Variants in HSD17B12 observed in about 807,000 individuals in gnomAD.
HSD17B12 encodes very-long-chain 3-oxoacyl-CoA reductase.
A neutral mutation model predicts 39.3 loss-of-function variants in HSD17B12; 32 were observed. The observed-to-expected ratio is 0.81, with a 90% CI of 0.61 to 1.09. HSD17B12 has a LOEUF of 1.09. Among genes scored for constraint, HSD17B12 ranks in the 50% least tolerant of loss-of-function variants. The probability of loss-of-function intolerance (pLI) is 0.00; values close to 1 mark genes in which losing one functional copy is unlikely to be tolerated. For synonymous variants in HSD17B12, 150 were observed against 146.7 expected (o/e 1.02, Z -0.16); for missense variants, 342 against 382.9 (o/e 0.89, Z 0.89).
chr11:43,680,375 G>T (rs1298308515), upstream of HSD17B12, among the ~76,000 whole-genome samples: 1 of 152,098 alleles, frequency 6.6e-6, no homozygotes, highest in Non-Finnish European at 1.5e-5. Flanking sequence ...CCCTGCCTAC[G>T]CCCACTTCTT....
At chr11:43,839,914 A>T in intron 8 of HSD17B12, 85 bp from the exon 9 acceptor site, 1 of 1,021,380 alleles carries the variant, frequency 9.8e-7, no homozygotes, top group Non-Finnish European at 1.5e-6. Flanking sequence ...TTAAATGATT[A>T]GTTTATTATT....
At chr11:43,615,887 A>G in the HSD17B12 span, among the ~76,000 whole-genome samples, 170 of 152,350 alleles carry the variant, frequency 1.1e-3, no homozygotes, top group Non-Finnish European at 2.0e-3. Context: ...GAAGTTACAT[A>G]TATTTTATAG....
the HSD17B12 span, among the ~76,000 whole-genome samples, chr11:43,630,313 T>C: frequency 6.6e-6 from 1 of 152,168 alleles, no homozygotes; most frequent in Admixed American, 6.6e-5. Context: ...GACTAGATGA[T>C]CTCTAAGTCT....
chr11:43,651,094 G>C, the HSD17B12 span, among the ~76,000 whole-genome samples: 32 of 152,140 alleles, frequency 2.1e-4, no homozygotes, highest in African/African-American at 7.7e-4. Flanking sequence ...TGTTTGAGAA[G>C]TACAGTGTTC....
At chr11:43,829,178 G>T (rs1049830669) in intron 6 of HSD17B12, among the ~76,000 whole-genome samples, 2 of 152,198 alleles carry the variant, frequency 1.3e-5, no homozygotes, top group Non-Finnish European at 2.9e-5. Context: ...ATTAACTTTT[G>T]CAGGGGAGAA....
intron 6 of HSD17B12, 106 bp downstream of exon 6, chr11:43,816,497 A>G (rs1179650655): frequency 1.1e-6 from 1 of 930,158 alleles, no homozygotes; most frequent in East Asian, 3.3e-5. Context: ...TTAGATGCAG[A>G]TACATGTATT....
rs576245970 is a variant in HSD17B12 at position 43,766,551 on chromosome 11, C to A, written c.283+12430C>A. ...AAGTCCCTCTCCCCTCCTTTGTTAA[C>A]CATCATAGATTTCCTGGTAAATATT... On this transcript the variant is annotated intron_variant, in intron 3 of 10. Transcript: ENST00000278353. Among the ~76,000 whole-genome samples, 3 of 152,318 alleles carry A rather than the reference C, an allele frequency of 2.0e-5. No homozygotes were observed. The South Asian group carries it at 6.2e-4, about 32-fold the overall frequency.
the HSD17B12 span, among the ~76,000 whole-genome samples, chr11:43,581,048 G>A: frequency 2.0e-5 from 3 of 152,136 alleles, no homozygotes; most frequent in South Asian, 2.1e-4. The surrounding 1 kb of genome is among the most constrained non-coding windows in gnomAD (Gnocchi z 4.9). Context: ...TGCAGCCGGG[G>A]CTGGCGGAAC....
At chr11:43,656,888 A>T in the HSD17B12 span, among the ~76,000 whole-genome samples, 1 of 152,132 alleles carries the variant, frequency 6.6e-6, no homozygotes, top group African/African-American at 2.4e-5. Flanking sequence ...TTGATTTGGG[A>T]TGGAGAGTTC....
the HSD17B12 span, among the ~76,000 whole-genome samples, chr11:43,666,244 C>G: frequency 2.6e-4 from 40 of 152,292 alleles, no homozygotes; most frequent in African/African-American, 9.4e-4. Flanking sequence ...TACTCTATCA[C>G]CCAGGCTGGA....
chr11:43,653,557 C>A, the HSD17B12 span, among the ~76,000 whole-genome samples: 1 of 152,070 alleles, frequency 6.6e-6, no homozygotes, highest in African/African-American at 2.4e-5. Flanking sequence ...CCCCCTCCCC[C>A]ACCTCACAAC....
At chr11:43,807,513 T>C (rs1241854509) in intron 4 of HSD17B12, among the ~76,000 whole-genome samples, 1 of 152,194 alleles carries the variant, frequency 6.6e-6, no homozygotes, top group Non-Finnish European at 1.5e-5. Flanking sequence ...CAGACCCAGA[T>C]CATGAAAGTC....
chr11:43,672,329 G>A, the HSD17B12 span, among the ~76,000 whole-genome samples: 3 of 152,200 alleles, frequency 2.0e-5, no homozygotes, highest in African/African-American at 4.8e-5. Context: ...GATTACAGGC[G>A]TGAGCCACCG....
intron 1 of HSD17B12, among the ~76,000 whole-genome samples, chr11:43,740,466 T>C (rs1054412137): frequency 3.3e-5 from 5 of 152,236 alleles, no homozygotes; most frequent in African/African-American, 1.2e-4. Context: ...ACTAGAACTT[T>C]TGTATATGTT....
the HSD17B12 span, among the ~76,000 whole-genome samples, chr11:43,607,914 G>C: frequency 5.9e-5 from 9 of 152,170 alleles, no homozygotes; most frequent in Non-Finnish European, 1.3e-4. Context: ...ACAGCACCCT[G>C]ATCTGAGACT....
rs1379517875 is a variant in HSD17B12, at chr11:43,773,346, C to T, written c.283+19225C>T. The stretch of plus-strand genomic sequence containing the variant: ...GTAACTTTAAACTCCTGGGCGCAAG[C>T]AGGTCTGCCTCAGCCACCCAAGTAG... On this transcript the variant is annotated intron_variant, in intron 3 of 10. Coordinates refer to ENST00000278353, the MANE Select transcript of HSD17B12 (RefSeq NM_016142.3). Among the ~76,000 whole-genome samples, 4 of 152,236 alleles carry T rather than the reference C, an allele frequency of 2.6e-5. No individual in the cohort carries two copies. In the East Asian group the frequency reaches 7.7e-4, roughly 29 times the overall value.
At chr11:43,722,253 G>A (rs556439558) in intron 1 of HSD17B12, among the ~76,000 whole-genome samples, 2 of 152,292 alleles carry the variant, frequency 1.3e-5, no homozygotes, top group South Asian at 2.1e-4. Flanking sequence ...AACTCCTAAA[G>A]TGAAATTGTT....
chr11:43,579,002 T>C, the HSD17B12 span: 1 of 149,788 alleles, frequency 6.7e-6, no homozygotes, highest in Non-Finnish European at 1.5e-5. Flanking sequence ...GCGTCATGGC[T>C]CTAGTCACAG....
intron 1 of HSD17B12, among the ~76,000 whole-genome samples, chr11:43,693,135 TAG>T (rs1477848449): frequency 1.3e-5 from 2 of 152,152 alleles, no homozygotes; most frequent in Non-Finnish European, 2.9e-5. Flanking sequence ...TGCATCCAGT[TAG>T]AGAATGGCCA....
Sources: allele counts gnomAD v4.1 joint callset (sites outside exome capture counted in the v4.1 genomes callset), GRCh38; gene constraint gnomAD v4.1.1; non-coding constraint Gnocchi (gnomAD v3.1); transcripts MANE v1.5; gene names NCBI Gene and HGNC (gene_info 2026-07-23, HGNC 2026-07-21).